The following TRIML2 variants were observed in gnomAD, a reference collection of about 807,000 sequenced individuals.
The protein encoded by TRIML2 is tripartite motif family like 2, also known as probable E3 ubiquitin-protein ligase TRIML2.
In TRIML2, 28 loss-of-function variants were observed where a neutral mutation model predicts 31.2. The ratio of observed to expected loss-of-function variants is 0.90; its 90% CI spans 0.66 to 1.23. The LOEUF (loss-of-function observed/expected upper bound fraction) is 1.23. Among genes scored for constraint, TRIML2 ranks in the 50% most tolerant of loss-of-function variants. The pLI, the probability that TRIML2 is intolerant of heterozygous loss-of-function variation, is 0.00. For synonymous variants in TRIML2, 187 were observed against 197.5 expected (o/e 0.95, Z 0.45); for missense variants, 536 against 528.3 (o/e 1.01, Z -0.14).
chr4:188,093,789 A>C (rs1733374826), intron 7 of TRIML2, among the ~76,000 whole-genome samples: 1 of 152,154 alleles, frequency 6.6e-6, no homozygotes, highest in Non-Finnish European at 1.5e-5. Context: ...CCTCAATTTG[A>C]TGAAAGGCAG....
intron 1 of TRIML2, chr4:188,106,413 A>C (rs1734042090): frequency 6.6e-6 from 1 of 152,178 alleles, no homozygotes; most frequent in East Asian, 1.9e-4. Flanking sequence ...AGCCAAAGCC[A>C]CTCTTCTCAA....
At position 188,105,347 on chromosome 4, in the gene TRIML2, G is replaced by A; in HGVS notation, c.22C>T (p.Gln8Ter). The A allele has an allele frequency of 6.3e-7, 1 of 1,590,150 alleles. No homozygotes were observed. The highest frequency in any genetic ancestry group is 8.6e-7 in the Non-Finnish European group (1 of 1,164,782). The change falls in exon 2 of 8, where the codon CAG becomes TAG. Residue 8 changes from glutamine to a stop codon, truncating the protein, a stop_gained. Transcript: ENST00000682553. LOFTEE classifies it high-confidence loss of function. ...TCTTCTGTGATGTTGTGCTGTAACT[G>A]AGGGCTGAGCCTTTTGGACATCCTG... MSKRLSP[Q>*]LQHNITEDAY...
chr4:188,092,413 AT>A (rs759952237), intron 7 of TRIML2, among the ~76,000 whole-genome samples: 2 of 151,764 alleles, frequency 1.3e-5, no homozygotes, highest in South Asian at 4.2e-4. Context: ...GTGAGCCGAG[AT>A]CACACCACTG....
chr4:188,097,424 C>G, intron 5 of TRIML2, 78 bp from the exon 6 acceptor site: 2 of 1,337,110 alleles, frequency 1.5e-6, no homozygotes, highest in Non-Finnish European at 2.1e-6. Flanking sequence ...AAAATATCCT[C>G]TTACAATGAA....
chr4:188,106,732 T>A (rs957536848), intron 1 of TRIML2: 1 of 182,130 alleles, frequency 5.5e-6, no homozygotes, highest in Non-Finnish European at 1.2e-5. Context: ...CAGGGCGAAG[T>A]GGGAGGCCCC....
rs879587648 is a variant in TRIML2, at chr4:188,109,511, C to G, written c.-491G>C. ...CAGGCTGGTCTTGAACTCCTGGGCT[C>G]AAGCAATCTGCCTGCTTCAGCCTCC... is the stretch of plus-strand genomic sequence containing the variant. On this transcript the variant is annotated 5_prime_UTR_variant, in exon 1 of 8. Transcript: ENST00000682553. 5 of 151,970 alleles carry G rather than the reference C, an allele frequency of 3.3e-5. No individual in the cohort carries two copies. The highest frequency in any genetic ancestry group is 7.4e-5 in the Non-Finnish European group (5 of 68,022). The allele number at this position is 151,970 out of a possible 1,614,324, so 9.4% of individuals were successfully genotyped here.
At chr4:188,098,846 T>A in intron 5 of TRIML2, 189 bp downstream of exon 5, 1 of 624,976 alleles carries the variant, frequency 1.6e-6, no homozygotes, top group East Asian at 2.9e-5. Flanking sequence ...ATGAAGCAGC[T>A]CCACACTATC....
chr4:188,094,761 T>C (rs1395403742), intron 7 of TRIML2, among the ~76,000 whole-genome samples: 1 of 152,226 alleles, frequency 6.6e-6, no homozygotes, highest in Non-Finnish European at 1.5e-5. Flanking sequence ...CGGTCCATTT[T>C]GAAGAAGCCA....
In TRIML2 at chr4:188,101,052, T is replaced by C; in HGVS notation, c.480+4A>G. On this transcript the variant is annotated splice_donor_region_variant and intron_variant, in intron 4 of 7. Transcript: ENST00000682553. ...ATATGAGGATGTTGTTTTCAATATCTCACCTGTAGCATTTCCTGGAACATC... is the reference window on the plus strand; with the variant it reads ...ATATGAGGATGTTGTTTTCAATATCCCACCTGTAGCATTTCCTGGAACATC... 3 of 1,592,126 alleles carry C rather than the reference T, an allele frequency of 1.9e-6. 1 individual carries two copies. In the South Asian group the frequency reaches 3.4e-5, roughly 18 times the overall value.
At chr4:188,104,791 A>G in intron 3 of TRIML2, 46 bp downstream of exon 3, 1 of 1,429,736 alleles carries the variant, frequency 7.0e-7, no homozygotes, top group South Asian at 1.2e-5. Flanking sequence ...TTCTAACAAC[A>G]TTACTGGTAA....
At chr4:188,105,107 C>T (rs1275843707) in intron 2 of TRIML2, 73 bp downstream of exon 2, 1 of 1,529,422 alleles carries the variant, frequency 6.5e-7, no homozygotes, top group Non-Finnish European at 8.9e-7. Flanking sequence ...TTTTGGAGGA[C>T]CAGAATGTCT....
chr4:188,100,375 C>A (rs1172187972), intron 4 of TRIML2, among the ~76,000 whole-genome samples: 2 of 152,184 alleles, frequency 1.3e-5, no homozygotes, highest in South Asian at 2.1e-4. Flanking sequence ...CGTAGGCCAC[C>A]CAGGAGCCAG....
intron 1 of TRIML2, among the ~76,000 whole-genome samples, chr4:188,108,002 C>A (rs1259305500): frequency 6.6e-6 from 1 of 152,142 alleles, no homozygotes; most frequent in East Asian, 1.9e-4. Context: ...AATTCACCAA[C>A]TCAAATTTTT....
chr4:188,092,869 T>C (rs1733328838), intron 7 of TRIML2: 1 of 456,544 alleles, frequency 2.2e-6, no homozygotes, highest in Non-Finnish European at 4.4e-6. Context: ...CTCTCATCTC[T>C]TTCTGCCCAG....
chr4:188,103,341 C>A (rs532018825), intron 3 of TRIML2, among the ~76,000 whole-genome samples: 22 of 152,246 alleles, frequency 1.4e-4, no homozygotes, highest in Non-Finnish European at 2.9e-4. Flanking sequence ...TGGCAGCTAG[C>A]GTGTTTCTAT....
chr4:188,107,042 C>T (rs112413898), intron 1 of TRIML2: 1 of 117,694 alleles, frequency 8.5e-6, no homozygotes, highest in African/African-American at 2.7e-5. Context: ...TTTTTGAGAC[C>T]GAATCTCTGT....
At chr4:188,102,739 C>G (rs1188136855) in intron 3 of TRIML2, among the ~76,000 whole-genome samples, 2 of 151,370 alleles carry the variant, frequency 1.3e-5, no homozygotes, top group Non-Finnish European at 2.9e-5. Context: ...ATGTCAGCTA[C>G]CTGGGAGACT....
chr4:188,103,552 C>A (rs1733897238), intron 3 of TRIML2, among the ~76,000 whole-genome samples: 1 of 152,066 alleles, frequency 6.6e-6, no homozygotes, highest in Non-Finnish European at 1.5e-5. Context: ...ATATTCCTCC[C>A]CAAGAAAACT....
In TRIML2 at chr4:188,091,355, G is replaced by C; in HGVS notation, c.*18C>G. ...AACTTTCTGGTGTCTCGTGGTCTTG[G>C]ATTTTACACACAGAAGATTAAGGGC... On this transcript the variant is annotated 3_prime_UTR_variant, in exon 8 of 8. Coordinates refer to ENST00000682553, the MANE Select transcript of TRIML2 (RefSeq NM_173553.4). 1 of 1,598,806 alleles carries C rather than the reference G, an allele frequency of 6.3e-7. No homozygotes were observed. The highest frequency in any genetic ancestry group is 8.5e-7 in the Non-Finnish European group (1 of 1,169,912).
Sources: allele counts gnomAD v4.1 joint callset (sites outside exome capture counted in the v4.1 genomes callset), GRCh38; gene constraint gnomAD v4.1.1; transcripts MANE v1.5; gene names NCBI Gene and HGNC (gene_info 2026-07-23, HGNC 2026-07-21).